Variants in UTRN observed in about 807,000 individuals in gnomAD.
The protein encoded by UTRN is utrophin, also known as dystrophin-related protein 1.
Under a neutral mutation model 463.9 loss-of-function variants are expected in UTRN, and 283 were observed. The observed-to-expected ratio is 0.61, with a 90% CI of 0.55 to 0.67. The LOEUF (loss-of-function observed/expected upper bound fraction) is 0.67. UTRN is among the 30% of genes least tolerant of loss of function. The pLI, the probability that UTRN is intolerant of heterozygous loss-of-function variation, is 0.00. For missense variants in UTRN, 3,922 were observed against 4,084.3 expected (o/e 0.96, Z 1.08); for synonymous variants, 1,442 against 1,431.5 (o/e 1.01, Z -0.17).
chr6:144,583,555 A>G, intron 51 of UTRN: 1 of 715,792 alleles, frequency 1.4e-6, no homozygotes, highest in Non-Finnish European at 2.6e-6. Context: ...TGCATCGCTT[A>G]CAAAGGATGG....
At chr6:144,311,563 G>C (rs975975158) in intron 2 of UTRN, 32 of 152,220 alleles carry the variant, frequency 2.1e-4, no homozygotes, top group African/African-American at 7.5e-4. Flanking sequence ...CAAGCTGTCT[G>C]CACAATTAAT....
intron 50 of UTRN, among the ~76,000 whole-genome samples, chr6:144,574,540 C>G (rs1169122350): frequency 1.3e-5 from 2 of 152,096 alleles, no homozygotes; most frequent in African/African-American, 4.8e-5. Context: ...GCTATATACA[C>G]TGGCATACAG....
intron 54 of UTRN, among the ~76,000 whole-genome samples, chr6:144,736,005 G>C (rs1315797414): frequency 6.6e-6 from 1 of 151,720 alleles, no homozygotes; most frequent in Non-Finnish European, 1.5e-5. Flanking sequence ...CATTTGGGGG[G>C]ACAAGAAAAA....
chr6:144,538,420 A>G (rs538186463), intron 44 of UTRN, among the ~76,000 whole-genome samples: 1 of 152,232 alleles, frequency 6.6e-6, no homozygotes, highest in South Asian at 2.1e-4. Flanking sequence ...CTGTAATCCC[A>G]GCACTTTGGG....
At chr6:144,736,076 A>G (rs1263950442) in intron 54 of UTRN, among the ~76,000 whole-genome samples, 1 of 152,110 alleles carries the variant, frequency 6.6e-6, no homozygotes, top group Admixed American at 6.5e-5. Flanking sequence ...ATGATTAGCA[A>G]TTTTCATACT....
chr6:144,453,909 G>T lies in UTRN; in HGVS notation c.2284+40G>T, dbSNP rs771530866. On this transcript the variant is annotated intron_variant, in intron 19 of 74. Transcript: ENST00000367545. ...TTTTTTCCCCTATATTTTTCAGATG[G>T]TGGCATCGAATAATATTACAGTTTG... is the stretch of plus-strand genomic sequence containing the variant. The T allele has an allele frequency of 1.9e-6, 3 of 1,560,472 alleles. No homozygotes were observed. The African/African-American group carries it at 4.1e-5, about 21-fold the overall frequency.
intron 2 of UTRN, among the ~76,000 whole-genome samples, chr6:144,321,100 AC>A (rs1775608730): frequency 6.6e-6 from 1 of 152,214 alleles, no homozygotes; most frequent in Non-Finnish European, 1.5e-5. Context: ...AACCTGAAAC[AC>A]TGTATGAAAT....
At position 144,487,592 on chromosome 6, in the gene UTRN, G is replaced by A. The variant is rs1218100673; in HGVS notation, c.3867G>A (p.Gln1289=). 2.5e-6 allele frequency: 4 copies of A among 1,613,420 alleles called. No homozygotes were observed. The highest frequency in any genetic ancestry group is 1.7e-5 in the Admixed American group (1 of 59,962). The change falls in exon 29 of 75, where the codon CAG becomes CAA. Residue 1289 remains glutamine, a synonymous_variant. Coordinates refer to ENST00000367545, the MANE Select transcript of UTRN (RefSeq NM_007124.3). ...VLRHPADNRT[Q]IRELGQTLID... ...GCCACCCGGCAGATAATCGCACCCA[G>A]ATTCGAGAGCTTGGCCAGACTCTGA... is the stretch of plus-strand genomic sequence containing the variant.
At chr6:144,390,214 CA>C (rs1781784331) in intron 2 of UTRN, among the ~76,000 whole-genome samples, 1 of 152,150 alleles carries the variant, frequency 6.6e-6, no homozygotes, top group Non-Finnish European at 1.5e-5. Context: ...TAATAATGAT[CA>C]TGCCCATCCA....
At position 144,482,319 on chromosome 6, in the gene UTRN, G is replaced by T. The variant is rs769353353; in HGVS notation, c.3618G>T (p.Glu1206Asp). 6.2e-7 allele frequency: 1 copy of T among 1,608,562 alleles called. No individual in the cohort carries two copies. Among genetic ancestry groups the T allele is most frequent in the South Asian group, 1.1e-5 (1 of 89,584 alleles). ...VPSGGQELTS[E>D]LNVVLENYQL... ...CTGGTGGCCAGGAGTTGACGTCTGA[G>T]CTGAATGTTGTGCTGGAGAATTACC... Residue 1206 changes from glutamate (E) to aspartate (D), a missense_variant, in exon 27 of 75, where the codon GAG (glutamate) becomes GAT (aspartate). Around this residue, in one of 3 missense-constraint regions of UTRN, gnomAD observed 2,349 missense variants for 2,303.8 expected, o/e 1.02. Coordinates refer to ENST00000367545, the MANE Select transcript of UTRN (RefSeq NM_007124.3).
At chr6:144,331,278 T>C (rs1776314946) in intron 2 of UTRN, among the ~76,000 whole-genome samples, 1 of 152,196 alleles carries the variant, frequency 6.6e-6, no homozygotes, top group Non-Finnish European at 1.5e-5. Flanking sequence ...TTATTTTGCT[T>C]ACTAACCTTG....
At chr6:144,501,174 G>A (rs1476628271) in intron 34 of UTRN, among the ~76,000 whole-genome samples, 1 of 152,194 alleles carries the variant, frequency 6.6e-6, no homozygotes, top group Non-Finnish European at 1.5e-5. Context: ...AGCAGTGTGA[G>A]TGTAAAGGAA....
chr6:144,548,912 A>T (rs1798658084), intron 47 of UTRN, 58 bp downstream of exon 47: 5 of 1,521,538 alleles, frequency 3.3e-6, no homozygotes, highest in Middle Eastern at 1.7e-4. Flanking sequence ...GGTAGACCAG[A>T]TCTGTTTGAA....
At chr6:144,450,067 A>G (rs1788106746) in intron 17 of UTRN, among the ~76,000 whole-genome samples, 1 of 152,076 alleles carries the variant, frequency 6.6e-6, no homozygotes, top group Admixed American at 6.6e-5. Flanking sequence ...AACCTTCTCA[A>G]CACCTCTCAA....
At chr6:144,348,890 C>T (rs1266417604) in intron 2 of UTRN, among the ~76,000 whole-genome samples, 2 of 151,828 alleles carry the variant, frequency 1.3e-5, no homozygotes, top group Non-Finnish European at 2.9e-5. Flanking sequence ...GCAGAGGTTG[C>T]GCCATTGCAC....
intron 51 of UTRN, among the ~76,000 whole-genome samples, chr6:144,654,023 G>A (rs1303090284): frequency 6.6e-6 from 1 of 152,306 alleles, no homozygotes; most frequent in Non-Finnish European, 1.5e-5. Context: ...GAGAGATAAC[G>A]GTACAGAAAG....
intron 3 of UTRN, among the ~76,000 whole-genome samples, chr6:144,406,873 T>C (rs759060223): frequency 4.6e-5 from 7 of 152,198 alleles, no homozygotes; most frequent in Admixed American, 1.3e-4. Context: ...TGCCTCCCAA[T>C]TTACTCCTAA....
At chr6:144,464,560 G>A (rs1056450000) in intron 23 of UTRN, among the ~76,000 whole-genome samples, 1 of 151,986 alleles carries the variant, frequency 6.6e-6, no homozygotes, top group Non-Finnish European at 1.5e-5. Flanking sequence ...GAGTGCCATG[G>A]TGCAATCTTG....
intron 46 of UTRN, among the ~76,000 whole-genome samples, chr6:144,547,150 A>C (rs1298074136): frequency 6.6e-6 from 1 of 152,210 alleles, no homozygotes; most frequent in East Asian, 1.9e-4. Context: ...AATTTGTACT[A>C]TCTCAGTTAT....
Sources: gnomAD v4.1 joint callset for allele counts (sites outside exome capture counted in the v4.1 genomes callset) on GRCh38, gnomAD v4.1.1 for gene constraint, gnomAD v4.1.1 regional missense constraint, MANE v1.5 for transcripts, NCBI Gene and HGNC (gene_info 2026-07-23, HGNC 2026-07-21) for gene names.